RIMS2: variants seen among roughly 807,000 people sequenced by gnomAD.
RIMS2 encodes the protein regulating synaptic membrane exocytosis 2.
In RIMS2, 59 loss-of-function variants were observed where a neutral mutation model predicts 174.4. That is an observed-to-expected ratio of 0.34 (90% CI 0.27 to 0.42). The LOEUF (loss-of-function observed/expected upper bound fraction) is 0.42, where lower values mean the gene tolerates loss of function less well. Ranked by LOEUF, RIMS2 falls within the 10% of genes least tolerant of loss-of-function variation. The pLI, the probability that RIMS2 is intolerant of heterozygous loss-of-function variation, is 1.00. For missense variants in RIMS2, 1,620 were observed against 1,666.3 expected (o/e 0.97, Z 0.48); for synonymous variants, 606 against 572.5 (o/e 1.06, Z -0.84).
chr8:103,702,085 C>G (rs1455706354), intron 2 of RIMS2, among the ~76,000 whole-genome samples: 1 of 152,022 alleles, frequency 6.6e-6, no homozygotes, highest in Non-Finnish European at 1.5e-5. Flanking sequence ...TTCTCTGCAT[C>G]CTTGTTAACA....
chr8:103,602,267 A>G (rs956184126), intron 1 of RIMS2, among the ~76,000 whole-genome samples: 4 of 152,176 alleles, frequency 2.6e-5, no homozygotes, highest in Non-Finnish European at 4.4e-5. Context: ...GATTACAGGC[A>G]TGAGCCACCA....
chr8:104,036,133 TTTTATTTATTTATTTA>T (rs142714435), intron 19 of RIMS2, among the ~76,000 whole-genome samples: 3 of 146,908 alleles, frequency 2.0e-5, no homozygotes, highest in South Asian at 4.4e-4. Context: ...ATTTATTTTA[TTTTATTTATTTATTTA>T]TTTATTTATT....
intron 9 of RIMS2, among the ~76,000 whole-genome samples, chr8:103,919,010 T>C (rs1442872247): frequency 6.6e-6 from 1 of 152,180 alleles, no homozygotes. Context: ...GTCAGAGCAG[T>C]AGTGGAACAA....
intron 1 of RIMS2, among the ~76,000 whole-genome samples, chr8:103,594,933 G>C (rs1394887430): frequency 6.6e-6 from 1 of 151,690 alleles, no homozygotes; most frequent in Non-Finnish European, 1.5e-5. Flanking sequence ...AAGCCAGATA[G>C]CTCATGATTA....
At chr8:103,769,586 A>T (rs370222807) in intron 3 of RIMS2, among the ~76,000 whole-genome samples, 1 of 152,166 alleles carries the variant, frequency 6.6e-6, no homozygotes, top group Non-Finnish European at 1.5e-5. Flanking sequence ...TCGGCCTCCC[A>T]AAGTGTTGGG....
chr8:104,001,360 AACT>A (rs1445525709), intron 17 of RIMS2, among the ~76,000 whole-genome samples: 6 of 152,012 alleles, frequency 3.9e-5, no homozygotes, highest in Non-Finnish European at 8.8e-5. Context: ...AAATATGTAC[AACT>A]ATTATGTATC....
At chr8:103,896,249 G>A (rs1229494732) in intron 4 of RIMS2, among the ~76,000 whole-genome samples, 1 of 151,452 alleles carries the variant, frequency 6.6e-6, no homozygotes, top group African/African-American at 2.4e-5. Context: ...AAAACCTTGG[G>A]TTTTCAGCTC....
At chr8:104,147,605 A>G (rs1474618684) in intron 19 of RIMS2, among the ~76,000 whole-genome samples, 1 of 151,938 alleles carries the variant, frequency 6.6e-6, no homozygotes, top group Non-Finnish European at 1.5e-5. Context: ...ATTCTTTTTT[A>G]TTACTTTATG....
At chr8:103,617,578 T>C (rs1418629292) in intron 1 of RIMS2, among the ~76,000 whole-genome samples, 1 of 152,012 alleles carries the variant, frequency 6.6e-6, no homozygotes, top group Non-Finnish European at 1.5e-5. Flanking sequence ...AGACAGCCTA[T>C]AGAATGGGAG....
At chr8:103,633,642 C>T (rs2096001973) in intron 1 of RIMS2, among the ~76,000 whole-genome samples, 1 of 152,078 alleles carries the variant, frequency 6.6e-6, no homozygotes, top group Middle Eastern at 3.2e-3. Context: ...TAGAATTTCA[C>T]TGTGAATCCA....
intron 1 of RIMS2, among the ~76,000 whole-genome samples, chr8:103,521,853 A>G (rs895636587): frequency 6.6e-6 from 1 of 151,882 alleles, no homozygotes; most frequent in Non-Finnish European, 1.5e-5. Flanking sequence ...TAAAAAAAAA[A>G]AACAAAAAAC....
intron 1 of RIMS2, chr8:103,559,055 A>ATTTTTTTTTTTTTT: frequency 5.0e-5 from 1 of 20,038 alleles, no homozygotes; most frequent in South Asian, 9.2e-4. Context: ...ATATTTTTTA[A>ATTTTTTTTTTTTTT]CTTTTTTTTT....
intron 1 of RIMS2, among the ~76,000 whole-genome samples, chr8:103,540,935 C>T (rs925534364): frequency 6.6e-6 from 1 of 151,384 alleles, no homozygotes; most frequent in Non-Finnish European, 1.5e-5. Flanking sequence ...TTGGTGAATT[C>T]AAAGACAAGT....
intron 3 of RIMS2, among the ~76,000 whole-genome samples, chr8:103,856,287 C>T (rs1266977316): frequency 6.6e-6 from 1 of 152,076 alleles, no homozygotes; most frequent in Admixed American, 6.6e-5. Flanking sequence ...TTACTTTGCG[C>T]CTGTGGGTGT....
At chr8:103,767,910 A>G (rs936519332) in intron 3 of RIMS2, among the ~76,000 whole-genome samples, 5 of 152,194 alleles carry the variant, frequency 3.3e-5, no homozygotes, top group Admixed American at 6.5e-5. Flanking sequence ...AGGAAGTTGG[A>G]GTATTTAATT....
At chr8:104,212,754 A>G (rs2099111038) in intron 19 of RIMS2, among the ~76,000 whole-genome samples, 1 of 152,194 alleles carries the variant, frequency 6.6e-6, no homozygotes, top group Non-Finnish European at 1.5e-5. Flanking sequence ...CACTTCAGTA[A>G]TTTAGTGCTA....
At chr8:103,524,850 A>G (rs1833244584) in intron 1 of RIMS2, among the ~76,000 whole-genome samples, 2 of 152,350 alleles carry the variant, frequency 1.3e-5, no homozygotes, top group South Asian at 4.1e-4. Flanking sequence ...TGCTAGAACC[A>G]GAGACCATGG....
intron 3 of RIMS2, among the ~76,000 whole-genome samples, chr8:103,860,012 C>T (rs552980141): frequency 6.6e-6 from 1 of 152,184 alleles, no homozygotes; most frequent in Non-Finnish European, 1.5e-5. Context: ...TATCATGTCA[C>T]AAGACTCCAG....
intron 19 of RIMS2, among the ~76,000 whole-genome samples, chr8:104,042,113 A>G (rs2154557737): frequency 6.6e-6 from 1 of 151,578 alleles, no homozygotes; most frequent in Non-Finnish European, 1.5e-5. Context: ...ATGTATATAC[A>G]CACATATATA....
Sources: allele counts gnomAD v4.1 joint callset (sites outside exome capture counted in the v4.1 genomes callset), GRCh38; gene constraint gnomAD v4.1.1; transcripts MANE v1.5; gene names NCBI Gene and HGNC (gene_info 2026-07-23, HGNC 2026-07-21).